The following PTPRE variants were observed in gnomAD, a reference collection of about 807,000 sequenced individuals.
The protein encoded by PTPRE is receptor-type tyrosine-protein phosphatase epsilon.
PTPRE carries 51 observed loss-of-function variants against 102.0 expected under a neutral mutation model. That is an observed-to-expected ratio of 0.50 (90% CI 0.40 to 0.63). The LOEUF (loss-of-function observed/expected upper bound fraction) is 0.63, where lower values mean the gene tolerates loss of function less well. PTPRE is among the 30% of genes least tolerant of loss of function. The pLI, the probability that PTPRE is intolerant of heterozygous loss-of-function variation, is 0.00. For synonymous variants in PTPRE, 345 were observed against 348.2 expected (o/e 0.99, Z 0.10); for missense variants, 752 against 915.1 (o/e 0.82, Z 2.30).
At position 128,077,670 on chromosome 10, in the gene PTPRE, C is replaced by T. The variant is rs142169714; in HGVS notation, c.1779C>T (p.His593=). ...GAGTAGTGCGCCAGTTTCACTTCCA[C>T]GGCTGGCCTGAGATCGGGATTCCCG... ...QVRVVRQFHF[H]GWPEIGIPAE... Residue 593 remains histidine, a synonymous_variant, in exon 19 of 21, where the codon CAC becomes CAT. Coordinates refer to ENST00000254667, the MANE Select transcript of PTPRE (RefSeq NM_006504.6). The T allele has an allele frequency of 2.9e-5, 46 of 1,613,540 alleles. No individual in the cohort carries two copies. The highest frequency in any genetic ancestry group is 5.0e-5 in the Admixed American group (3 of 60,008).
At chr10:128,062,610 T>A (rs1310893406) in intron 9 of PTPRE, among the ~76,000 whole-genome samples, 1 of 152,188 alleles carries the variant, frequency 6.6e-6, no homozygotes, top group African/African-American at 2.4e-5. Context: ...GGCAGAGGAC[T>A]TTCTCCTAGT....
intron 12 of PTPRE, 80 bp from the exon 13 acceptor site, chr10:128,069,612 T>A (rs550000186): frequency 1.1e-4 from 178 of 1,552,022 alleles, no homozygotes; most frequent in Admixed American, 2.3e-4. Context: ...GTGACCTGGG[T>A]GCGCAGGCCC....
chr10:127,962,756 T>C (rs559673579), intron 1 of PTPRE, among the ~76,000 whole-genome samples: 1 of 152,310 alleles, frequency 6.6e-6, no homozygotes, highest in South Asian at 2.1e-4. Flanking sequence ...AGCAGTGTCA[T>C]TGGCAGTTAG....
intron 1 of PTPRE, among the ~76,000 whole-genome samples, chr10:127,931,350 G>A (rs1796740945): frequency 6.6e-6 from 1 of 152,010 alleles, no homozygotes; most frequent in Admixed American, 6.6e-5. Context: ...TCCCTAAATG[G>A]CCCAAAGGAT....
intron 7 of PTPRE, among the ~76,000 whole-genome samples, chr10:128,058,676 C>A (rs369860944): frequency 1.3e-5 from 2 of 152,298 alleles, no homozygotes; most frequent in African/African-American, 2.4e-5. Context: ...CCCAGGGTGA[C>A]AGCCCATAGT....
chr10:127,976,980 A>G (rs1241965884), intron 1 of PTPRE, among the ~76,000 whole-genome samples: 1 of 152,242 alleles, frequency 6.6e-6, no homozygotes, highest in African/African-American at 2.4e-5. Context: ...GGTTCTGTCC[A>G]TTCCCCACTA....
chr10:127,958,223 A>G lies in PTPRE; in HGVS notation c.-30-24051A>G, dbSNP rs1849541259. Among the ~76,000 whole-genome samples, 4 of 152,320 alleles carry G rather than the reference A, an allele frequency of 2.6e-5. 1 individual carries two copies. The highest frequency in any genetic ancestry group is 7.2e-5 in the African/African-American group (3 of 41,576). ...GTCTCTGCAATAACCATAACCTCCCATATGATATCAGAAAGGAGTGTCAAG... is the reference window on the plus strand; with the variant it reads ...GTCTCTGCAATAACCATAACCTCCCGTATGATATCAGAAAGGAGTGTCAAG... On this transcript the variant is annotated intron_variant, in intron 1 of 20. Transcript: ENST00000254667.
At chr10:128,004,765 A>G (rs1048694579) in intron 2 of PTPRE, among the ~76,000 whole-genome samples, 5 of 152,206 alleles carry the variant, frequency 3.3e-5, no homozygotes, top group African/African-American at 9.7e-5. Context: ...TATACCTAGG[A>G]GTGGAATTTA....
chr10:128,069,443 C>T, intron 12 of PTPRE: 1 of 523,446 alleles, frequency 1.9e-6, no homozygotes, highest in Non-Finnish European at 3.4e-6. Flanking sequence ...ACAGCCTAAT[C>T]CGAGGCTTAC....
chr10:127,930,402 C>T (rs1847343345), intron 1 of PTPRE, among the ~76,000 whole-genome samples: 1 of 152,182 alleles, frequency 6.6e-6, no homozygotes, highest in African/African-American at 2.4e-5. Context: ...TGGCTTCTTT[C>T]ACTTAGCACA....
chr10:127,986,887 T>C (rs895998216), intron 2 of PTPRE, among the ~76,000 whole-genome samples: 2 of 152,170 alleles, frequency 1.3e-5, no homozygotes, highest in African/African-American at 4.8e-5. Flanking sequence ...AGAGCACATA[T>C]AAAATTAAAA....
intron 2 of PTPRE, among the ~76,000 whole-genome samples, chr10:128,032,440 T>G (rs1846845136): frequency 6.6e-6 from 1 of 152,340 alleles, no homozygotes; most frequent in African/African-American, 2.4e-5. Context: ...GACACCTGTG[T>G]AGGGAACAGG....
intron 2 of PTPRE, among the ~76,000 whole-genome samples, chr10:128,024,298 C>T (rs1211582943): frequency 6.6e-6 from 1 of 152,024 alleles, no homozygotes; most frequent in African/African-American, 2.4e-5. Context: ...CTTATTTGGC[C>T]CCAGCTATTA....
At chr10:127,932,054 C>T (rs1847485087) in intron 1 of PTPRE, among the ~76,000 whole-genome samples, 1 of 152,054 alleles carries the variant, frequency 6.6e-6, no homozygotes, top group Non-Finnish European at 1.5e-5. Context: ...AACCATAAAG[C>T]TTATTTATGA....
chr10:127,925,238 C>T (rs1238808463), intron 1 of PTPRE, among the ~76,000 whole-genome samples: 2 of 152,180 alleles, frequency 1.3e-5, no homozygotes, highest in African/African-American at 4.8e-5. Flanking sequence ...GAGAGTGATC[C>T]AGGAGAAAGC....
intron 1 of PTPRE, among the ~76,000 whole-genome samples, chr10:127,969,317 G>A (rs373805250): frequency 5.3e-5 from 8 of 152,324 alleles, no homozygotes; most frequent in Non-Finnish European, 7.3e-5. Flanking sequence ...GGCTCGGGAC[G>A]TGGAGAGGGC....
At chr10:128,025,856 T>A (rs1465304288) in intron 2 of PTPRE, among the ~76,000 whole-genome samples, 1 of 152,184 alleles carries the variant, frequency 6.6e-6, no homozygotes, top group East Asian at 1.9e-4. Context: ...CCCAGGGACC[T>A]CAGATGCCTC....
chr10:127,914,522 C>T (rs1846077345), intron 1 of PTPRE, among the ~76,000 whole-genome samples: 1 of 152,188 alleles, frequency 6.6e-6, no homozygotes, highest in South Asian at 2.1e-4. Flanking sequence ...TGGGATGGAT[C>T]TTTGGAGGTG....
chr10:127,988,009 ATGAGTGCCAAC>A (rs1231168189), intron 2 of PTPRE, among the ~76,000 whole-genome samples: 1 of 152,224 alleles, frequency 6.6e-6, no homozygotes, highest in Non-Finnish European at 1.5e-5. Context: ...TCGGCTGCAG[ATGAGTGCCAAC>A]TGCCTAAGGG....
Sources: allele counts gnomAD v4.1 joint callset (sites outside exome capture counted in the v4.1 genomes callset), GRCh38; gene constraint gnomAD v4.1.1; transcripts MANE v1.5; gene names NCBI Gene and HGNC (gene_info 2026-07-23, HGNC 2026-07-21).